The following LTA4H variants were observed in gnomAD, a reference collection of about 807,000 sequenced individuals.
The protein encoded by LTA4H is leukotriene A-4 hydrolase.
LTA4H carries 59 observed loss-of-function variants against 89.8 expected under a neutral mutation model. The observed-to-expected ratio is 0.66, with a 90% confidence interval of 0.53 to 0.82. The LOEUF is 0.82. LTA4H is among the 40% of genes least tolerant of loss of function. LTA4H has a pLI of 0.00. For missense variants in LTA4H, 617 were observed against 727.0 expected, an observed-to-expected ratio of 0.85 and a Z score of 1.74; for synonymous variants, 227 against 253.1, an observed-to-expected ratio of 0.90 and a Z score of 0.98.
At chr12:96,013,897 T>C (rs1229470130) in intron 12 of LTA4H, 44 bp from the exon 13 acceptor site, 1 of 892,540 alleles carries the variant, frequency 1.1e-6, no homozygotes, top group Non-Finnish European at 1.8e-6. Flanking sequence ...GAAAGGTAAT[T>C]ATTTGACATT....
At chr12:96,036,934 G>T (rs895998433), upstream of LTA4H, among the ~76,000 whole-genome samples, 3 of 152,204 alleles carry the variant, frequency 2.0e-5, no homozygotes, top group Non-Finnish European at 4.4e-5. Context: ...CCGAGCAAGA[G>T]CAAGAGATTG....
At chr12:96,016,997 A>C (rs1278695882) in intron 10 of LTA4H, 47 bp downstream of exon 10, 5 of 1,346,538 alleles carry the variant, frequency 3.7e-6, no homozygotes. Context: ...CAGGGAAAAA[A>C]AAATCAGCAA....
intron 6 of LTA4H, 38 bp downstream of exon 6, chr12:96,021,047 A>T: frequency 6.4e-7 from 1 of 1,568,006 alleles, no homozygotes; most frequent in Non-Finnish European, 8.7e-7. Flanking sequence ...CTAAGTTTTG[A>T]TCTTTCCACA....
At chr12:96,009,935 T>C (rs1364651606) in intron 14 of LTA4H, 2 of 152,188 alleles carry the variant, frequency 1.3e-5, no homozygotes, top group Non-Finnish European at 2.9e-5. Flanking sequence ...AAGAGAGTTG[T>C]GACTGGGACT....
chr12:96,033,151 G>A (rs1269739644), intron 1 of LTA4H, among the ~76,000 whole-genome samples: 7 of 152,180 alleles, frequency 4.6e-5, no homozygotes, highest in Admixed American at 4.6e-4. Context: ...AAAGGTAAGT[G>A]TGAGGTCACA....
intron 2 of LTA4H, among the ~76,000 whole-genome samples, chr12:96,028,703 C>T (rs1417121243): frequency 6.6e-6 from 1 of 152,158 alleles, no homozygotes; most frequent in African/African-American, 2.4e-5. Flanking sequence ...GCCTCTGGGG[C>T]AAGGGCAAGG....
intron 12 of LTA4H, 152 bp from the exon 13 acceptor site, chr12:96,014,005 CA>C (rs1277883343): frequency 2.1e-5 from 11 of 519,446 alleles, no homozygotes; most frequent in Non-Finnish European, 3.1e-5. Flanking sequence ...AAAGAATGTT[CA>C]AAAAAGGAGG....
chr12:96,019,462 GA>G (rs1419466314), intron 6 of LTA4H, among the ~76,000 whole-genome samples: 2 of 151,648 alleles, frequency 1.3e-5, no homozygotes, highest in Non-Finnish European at 2.9e-5. Context: ...TGGGCCAAAG[GA>G]AAAAAACCAA....
At chr12:96,027,033 G>A in intron 3 of LTA4H, among the ~76,000 whole-genome samples, 1 of 152,054 alleles carries the variant, frequency 6.6e-6, no homozygotes, top group South Asian at 2.1e-4. Flanking sequence ...GTTACCTCTG[G>A]GCAATGGTGT....
chr12:96,026,421 A>G (rs1239288187), intron 3 of LTA4H, among the ~76,000 whole-genome samples: 1 of 152,162 alleles, frequency 6.6e-6, no homozygotes, highest in African/African-American at 2.4e-5. Context: ...CAAAATTAAC[A>G]TTTTCATGAC....
intron 15 of LTA4H, among the ~76,000 whole-genome samples, chr12:96,008,478 T>C (rs899716228): frequency 2.0e-5 from 3 of 152,166 alleles, no homozygotes; most frequent in Admixed American, 6.5e-5. Flanking sequence ...AATTGCCATA[T>C]TGGAAGCAGT....
chr12:96,019,170 C>A lies in LTA4H; in HGVS notation c.709G>T (p.Glu237Ter). The A allele has an allele frequency of 6.2e-7, 1 of 1,610,560 alleles. No individual in the cohort carries two copies. The highest frequency in any genetic ancestry group is 1.1e-5 in the South Asian group (1 of 90,114). Residue 237 changes from glutamate (E) to a stop codon, truncating the protein, a stop_gained and splice_region_variant, in exon 7 of 19, where the codon GAG (glutamate) becomes TAG (stop). Coordinates refer to ENST00000228740, the MANE Select transcript of LTA4H (RefSeq NM_000895.3). LOFTEE classifies it high-confidence loss of function. ...QVEKSAYEFS[E>*]TESMLKIAED... ...CAAAGGATAACTAAATGACCAACCT[C>A]AGAAAACTCATAAGCAGACTTTTCC...
chr12:96,030,988 C>T (rs1950565524), intron 1 of LTA4H, among the ~76,000 whole-genome samples: 1 of 152,148 alleles, frequency 6.6e-6, no homozygotes, highest in Non-Finnish European at 1.5e-5. Context: ...GTGTTTATAA[C>T]ACATGCTTAT....
rs1206570184 is a variant in LTA4H at position 96,022,030 on chromosome 12, CA to C, written c.585+116del. 1.5e-6 allele frequency: 1 copy of C among 655,076 alleles called. No individual in the cohort carries two copies. The highest frequency in any genetic ancestry group is 1.9e-5 in the African/African-American group (1 of 54,028). 40.6% of individuals were successfully genotyped at this position (655,076 alleles called of 1,614,324 possible). A position where few individuals can be genotyped will look rare whatever the true frequency, so the allele number is the denominator to read the frequency against. ...AAAAAAAAATGAAGAAAACAAAAACCAAAAGCTGTTCTCAAAATTCTGAAAT... is the reference window on the plus strand; with the variant it reads ...AAAAAAAAATGAAGAAAACAAAAACCAAAGCTGTTCTCAAAATTCTGAAAT... On this transcript the variant is annotated intron_variant, in intron 5 of 18. Transcript: ENST00000228740. The surrounding 1 kb of genome is among the most constrained non-coding windows in gnomAD (Gnocchi z 4.0).
intron 17 of LTA4H, 84 bp downstream of exon 17, chr12:96,003,754 T>C: frequency 1.2e-6 from 1 of 866,654 alleles, no homozygotes; most frequent in East Asian, 2.6e-5. Context: ...CAAGTATGTC[T>C]CATACTCTGC....
At chr12:96,031,548 A>G (rs983920701) in intron 1 of LTA4H, among the ~76,000 whole-genome samples, 1 of 152,214 alleles carries the variant, frequency 6.6e-6, no homozygotes, top group Non-Finnish European at 1.5e-5. Flanking sequence ...TCTACTAATT[A>G]TAGGATATAA....
At position 96,035,483 on chromosome 12, in the gene LTA4H, G is replaced by A; in HGVS notation, c.37C>T (p.Pro13Ser). The A allele has an allele frequency of 6.2e-7, 1 of 1,609,076 alleles. No individual in the cohort carries two copies. ...TGCTTGGTCCGGCAGACGGAAGCCG[G>A]AGAGGCCAACGAACAGGTATCCACT... ...EIVDTCSLAS[P>S]ASVCRTKHLH... Residue 13 changes from proline (P) to serine (S), a missense_variant, in exon 1 of 19, where the codon CCG becomes TCG. Physicochemically the swap from Pro to Ser is moderately conservative, Grantham distance 74 (BLOSUM62 -1). This residue lies in a region of LTA4H where 155 missense variants were observed against 143.3 expected (regional missense o/e 1.08). Transcript: ENST00000228740.
intron 3 of LTA4H, 76 bp downstream of exon 3, chr12:96,027,368 C>T (rs1450005942): frequency 1.5e-6 from 2 of 1,316,694 alleles, no homozygotes; most frequent in African/African-American, 3.0e-5. Flanking sequence ...TCCATAAAAC[C>T]ACTGTTCATT....
intron 12 of LTA4H, among the ~76,000 whole-genome samples, 153 bp downstream of exon 12, chr12:96,014,702 A>G (rs1950350623): frequency 6.6e-6 from 1 of 152,240 alleles, no homozygotes; most frequent in African/African-American, 2.4e-5. Context: ...TTAAGTTGAG[A>G]GGTAACTCAG....
Sources: gnomAD v4.1 joint callset for allele counts (sites outside exome capture counted in the v4.1 genomes callset) on GRCh38, gnomAD v4.1.1 for gene constraint, gnomAD v4.1.1 regional missense constraint, Gnocchi (gnomAD v3.1) non-coding constraint, MANE v1.5 for transcripts, NCBI Gene and HGNC (gene_info 2026-07-23, HGNC 2026-07-21) for gene names.